The following RAB3C variants were observed in gnomAD, a reference collection of about 807,000 sequenced individuals.
RAB3C encodes RAB3C, member RAS oncogene family, also known as ras-related protein Rab-3C.
A neutral mutation model predicts 26.4 loss-of-function variants in RAB3C; 17 were observed. The observed-to-expected ratio is 0.64, with a 90% confidence interval of 0.44 to 0.97. RAB3C has a LOEUF of 0.97. Among genes scored for constraint, RAB3C ranks in the 50% least tolerant of loss-of-function variants. The pLI, the probability that RAB3C is intolerant of heterozygous loss-of-function variation, is 0.00. For missense variants in RAB3C, 242 were observed against 281.9 expected (o/e 0.86, Z 1.01); for synonymous variants, 91 against 95.9 (o/e 0.95, Z 0.30).
intron 3 of RAB3C, among the ~76,000 whole-genome samples, chr5:58,756,172 T>C (rs866243423): frequency 2.8e-4 from 43 of 151,098 alleles, no homozygotes; most frequent in African/African-American, 7.7e-4. Context: ...TGGTTCTCTC[T>C]CTCCATACAT....
At chr5:58,737,131 C>T (rs560779569) in intron 3 of RAB3C, among the ~76,000 whole-genome samples, 3 of 152,048 alleles carry the variant, frequency 2.0e-5, no homozygotes, top group Admixed American at 6.6e-5. Context: ...TTAGCCACAC[C>T]GGCTTCTTTG....
chr5:58,725,295 A>G lies in RAB3C; in HGVS notation c.253-707A>G, dbSNP rs553148416. On this transcript the variant is annotated intron_variant, in intron 2 of 4. Coordinates refer to ENST00000282878, the MANE Select transcript of RAB3C (RefSeq NM_138453.4). ...GGTTTTCATTGAGAAGCCTGTTGTC[A>G]GACAAATTGGAGCTCCTTTATATGT... Among the ~76,000 whole-genome samples the G allele has an allele frequency of 3.3e-5, 5 of 151,972 alleles. No homozygotes were observed. In the South Asian group the frequency reaches 8.3e-4, roughly 25 times the overall value.
At position 58,612,487 on chromosome 5, in the gene RAB3C, G is replaced by GGTGT. The variant is rs372157686; in HGVS notation, c.25-5125_25-5122dup. On this transcript the variant is annotated intron_variant, in intron 1 of 4. Coordinates refer to ENST00000282878, the MANE Select transcript of RAB3C (RefSeq NM_138453.4). The stretch of plus-strand genomic sequence containing the variant: ...GGTTAGCTGGTTAGCTGTGTTCCTA[G>GGTGT]GTGTGTGTGTGTGTGTGTGTGTGTG... Among the ~76,000 whole-genome samples, 586 of 112,976 alleles carry GGTGT rather than the reference G, an allele frequency of 5.2e-3. 8 individuals are homozygous for GGTGT. Among genetic ancestry groups the GGTGT allele is most frequent in the African/African-American group, 0.018 (464 of 25,214 alleles). The allele number at this position is 112,976 out of a possible 152,430, so 74.1% of individuals were successfully genotyped here.
At chr5:58,781,120 A>C (rs533676410) in intron 3 of RAB3C, among the ~76,000 whole-genome samples, 7 of 152,132 alleles carry the variant, frequency 4.6e-5, no homozygotes, top group African/African-American at 1.7e-4. Context: ...TCTAAAAATG[A>C]ATGAATAAAT....
At chr5:58,597,079 A>ATATATAATGCATAATATATAATATAAT (rs1561260515) in intron 1 of RAB3C, among the ~76,000 whole-genome samples, 1 of 6,564 alleles carries the variant, frequency 1.5e-4, no homozygotes, top group Non-Finnish European at 2.1e-4. Context: ...ATTATATAAT[A>ATATATAATGCATAATATATAATATAAT]ATATATAATA....
intron 2 of RAB3C, among the ~76,000 whole-genome samples, chr5:58,653,002 A>G (rs10040599): frequency 0.12 from 17,859 of 152,210 alleles, 1,343 homozygotes; most frequent in Non-Finnish European, 0.16. Context: ...TTTAACTTCT[A>G]GGATACAAGT....
chr5:58,689,742 A>C (rs1748523284), intron 2 of RAB3C, among the ~76,000 whole-genome samples: 1 of 152,182 alleles, frequency 6.6e-6, no homozygotes, highest in Non-Finnish European at 1.5e-5. Context: ...TGGGGTGGAA[A>C]TGTCCTCTGT....
chr5:58,781,010 T>G (rs1486709905), intron 3 of RAB3C, among the ~76,000 whole-genome samples: 1 of 152,088 alleles, frequency 6.6e-6, no homozygotes, highest in African/African-American at 2.4e-5. Context: ...TGCTTCTGTC[T>G]AGGATTCCAT....
intron 4 of RAB3C, among the ~76,000 whole-genome samples, chr5:58,826,926 T>C (rs1743494190): frequency 6.6e-6 from 1 of 152,232 alleles, no homozygotes; most frequent in South Asian, 2.1e-4. Context: ...TCTGAAAGTT[T>C]GACCATTTCT....
At chr5:58,791,248 A>C (rs1742516548) in intron 3 of RAB3C, among the ~76,000 whole-genome samples, 2 of 152,144 alleles carry the variant, frequency 1.3e-5, no homozygotes, top group South Asian at 4.2e-4. Flanking sequence ...GCTTGAACTA[A>C]GTTCAGTAGC....
At chr5:58,610,728 A>C (rs1395200659) in intron 1 of RAB3C, among the ~76,000 whole-genome samples, 1 of 152,078 alleles carries the variant, frequency 6.6e-6, no homozygotes, top group Non-Finnish European at 1.5e-5. Flanking sequence ...GACTATTATC[A>C]ATAGTAGTAG....
intron 2 of RAB3C, among the ~76,000 whole-genome samples, chr5:58,719,507 G>A (rs981823725): frequency 5.9e-5 from 9 of 151,886 alleles, no homozygotes; most frequent in African/African-American, 2.2e-4. Flanking sequence ...TTGCAAAGTG[G>A]GGTCAGTGAC....
chr5:58,765,789 G>A (rs1217857505), intron 3 of RAB3C, among the ~76,000 whole-genome samples: 4 of 151,990 alleles, frequency 2.6e-5, no homozygotes, highest in East Asian at 3.9e-4. Context: ...TTGTGTCCCC[G>A]CCCAAATTTC....
chr5:58,803,449 C>T (rs1478215869), intron 3 of RAB3C, among the ~76,000 whole-genome samples: 1 of 152,176 alleles, frequency 6.6e-6, no homozygotes, highest in Admixed American at 6.5e-5. Flanking sequence ...ATTCAACAAA[C>T]TTACAACTAT....
At chr5:58,749,545 G>A (rs1000195270) in intron 3 of RAB3C, among the ~76,000 whole-genome samples, 28 of 152,146 alleles carry the variant, frequency 1.8e-4, no homozygotes, top group Non-Finnish European at 2.6e-4. Context: ...AGAAGATAAA[G>A]CCTTCACAGG....
chr5:58,847,919 C>T (rs183121008), intron 4 of RAB3C, among the ~76,000 whole-genome samples: 70 of 152,186 alleles, frequency 4.6e-4, no homozygotes, highest in African/African-American at 1.6e-3. Context: ...GCCAGTGGTG[C>T]GATCTCAGCT....
intron 3 of RAB3C, among the ~76,000 whole-genome samples, chr5:58,805,006 A>G (rs953490718): frequency 2.6e-5 from 4 of 151,656 alleles, no homozygotes; most frequent in Admixed American, 1.3e-4. Context: ...AGGCAAAGGT[A>G]TTTTTAAATT....
chr5:58,780,690 G>C (rs759202077), intron 3 of RAB3C, among the ~76,000 whole-genome samples: 5 of 152,062 alleles, frequency 3.3e-5, no homozygotes, highest in Admixed American at 2.0e-4. Context: ...CTGCCACTCT[G>C]TCTCCCTAGA....
intron 3 of RAB3C, among the ~76,000 whole-genome samples, chr5:58,734,676 A>C (rs1741097598): frequency 1.3e-5 from 2 of 152,148 alleles, no homozygotes; most frequent in Non-Finnish European, 2.9e-5. Context: ...CATCTCAATA[A>C]ATGACATCTC....
Sources: allele counts gnomAD v4.1 joint callset (sites outside exome capture counted in the v4.1 genomes callset), GRCh38; gene constraint gnomAD v4.1.1; transcripts MANE v1.5; gene names NCBI Gene and HGNC (gene_info 2026-07-23, HGNC 2026-07-21).